Variants in GAS7 observed in about 807,000 individuals in gnomAD.
GAS7 encodes the protein growth arrest specific 7, also known as growth arrest-specific protein 7.
GAS7 carries 28 observed loss-of-function variants against 71.1 expected under a neutral mutation model. The observed-to-expected ratio is 0.39, with a 90% confidence interval of 0.29 to 0.54. The LOEUF (loss-of-function observed/expected upper bound fraction) is 0.54, where lower values mean the gene tolerates loss of function less well. GAS7 is among the 20% of genes least tolerant of loss of function. GAS7 has a pLI of 0.62. For synonymous variants in GAS7, 258 were observed against 245.8 expected, an observed-to-expected ratio of 1.05 and a Z score of -0.46; for missense variants, 436 against 627.8, an observed-to-expected ratio of 0.69 and a Z score of 3.27.
chr17:9,963,155 G>GGAAT lies in GAS7; in HGVS notation c.472-3904_472-3901dup, dbSNP rs1567828755. ...ACAGAATATTCTTCTGTCATAAAAAGGAATGGAGTGTTCATCCATGCCGCG... is the reference window on the plus strand; with the variant it reads ...ACAGAATATTCTTCTGTCATAAAAAGGAATGAATGGAGTGTTCATCCATGCCGCG... On this transcript the variant is annotated intron_variant, in intron 4 of 13. Coordinates refer to ENST00000432992, the MANE Select transcript of GAS7 (RefSeq NM_201433.2). Among the ~76,000 whole-genome samples, 3 of 152,062 alleles carry GGAAT rather than the reference G, an allele frequency of 2.0e-5. No individual in the cohort carries two copies. The South Asian group carries it at 6.2e-4, about 32-fold the overall frequency.
In GAS7 at chr17:10,034,926, C is replaced by T. The variant is rs2072710737; in HGVS notation, c.184-15029G>A. Among the ~76,000 whole-genome samples, 1 of 152,166 alleles carries T rather than the reference C, an allele frequency of 6.6e-6. No homozygotes were observed. The highest frequency in any genetic ancestry group is 1.5e-5 in the Non-Finnish European group (1 of 68,036). Reference sequence around the variant, plus strand: ...CTGCCCTGGAATCCTGGGCTTCTGTCTCTGCATCACCCTGGATGCACCAAA... The same window carrying T: ...CTGCCCTGGAATCCTGGGCTTCTGTTTCTGCATCACCCTGGATGCACCAAA... On this transcript the variant is annotated intron_variant, in intron 1 of 13. Coordinates refer to ENST00000432992, the MANE Select transcript of GAS7 (RefSeq NM_201433.2). The surrounding 1 kb of genome is among the most constrained non-coding windows in gnomAD (Gnocchi z 4.4).
intron 5 of GAS7, among the ~76,000 whole-genome samples, chr17:9,956,605 A>G (rs950032931): frequency 2.0e-5 from 3 of 152,180 alleles, no homozygotes; most frequent in African/African-American, 7.2e-5. Context: ...GACAGCGGAA[A>G]CAAGACCCAG....
At chr17:10,178,392 G>A (rs2074388593) in intron 1 of GAS7, among the ~76,000 whole-genome samples, 1 of 151,804 alleles carries the variant, frequency 6.6e-6, no homozygotes, top group African/African-American at 2.4e-5. Flanking sequence ...TCCACATAGA[G>A]GACTCTGCAT....
rs929535954 is a variant in GAS7 at position 10,144,934 on chromosome 17, T to C, written c.183+53274A>G. Among the ~76,000 whole-genome samples, 51 of 152,232 alleles carry C rather than the reference T, an allele frequency of 3.4e-4. 1 individual carries two copies. The highest frequency in any genetic ancestry group is 1.2e-3 in the African/African-American group (50 of 41,466). ...CAGGTACAACAGGCCAGATCAATAG[T>C]TCCTGCCCGTCTCTGATTAGAACCT... On this transcript the variant is annotated intron_variant, in intron 1 of 13. Transcript: ENST00000432992.
chr17:9,914,056 T>G lies in GAS7; in HGVS notation c.*3172A>C, dbSNP rs11555789. 13 of 228,510 alleles carry G rather than the reference T, an allele frequency of 5.7e-5. No individual in the cohort carries two copies. The highest frequency in any genetic ancestry group is 9.5e-5 in the Non-Finnish European group (11 of 115,284). 14.2% of individuals were successfully genotyped at this position (228,510 alleles called of 1,614,324 possible). On this transcript the variant is annotated 3_prime_UTR_variant, in exon 14 of 14. Transcript: ENST00000432992. ...GGATAGCGTGCTTGCCTCTCCAAAG[T>G]GCAGTCTTTTATTTTCTCAGTTGCA...
Position 9,919,660 on chromosome 17 carries a change from G to A in GAS7, c.1184C>T (p.Ser395Phe), listed in dbSNP as rs1419371387. Residue 395 changes from serine (S) to phenylalanine (F), a missense_variant, in exon 12 of 14, where the codon TCC becomes TTC. Coordinates refer to ENST00000432992, the MANE Select transcript of GAS7 (RefSeq NM_201433.2). This position sits in a 1 kb window ranked among gnomAD's most constrained non-coding sequence, Gnocchi z 5.0. ...GGTCACCATCTCTTCAAACCATTTGGACTGGGCCTGGTTGTAGAGATCCAC... is the reference window on the plus strand; with the variant it reads ...GGTCACCATCTCTTCAAACCATTTGAACTGGGCCTGGTTGTAGAGATCCAC... ...RCVDLYNQAQ[S>F]KWFEEMVTTT... is the part of the protein sequence containing the mutation. 1 of 1,609,712 alleles carries A rather than the reference G, an allele frequency of 6.2e-7. No homozygotes were observed. The highest frequency in any genetic ancestry group is 8.5e-7 in the Non-Finnish European group (1 of 1,178,206).
chr17:10,098,494 C>T (rs75824349), intron 1 of GAS7, among the ~76,000 whole-genome samples: 4,717 of 152,306 alleles, frequency 0.031, 222 homozygotes, highest in African/African-American at 0.11. Context: ...AAGAAAGAAG[C>T]CTTTGTTTGC....
At chr17:10,160,252 AT>A (rs2074242106) in intron 1 of GAS7, among the ~76,000 whole-genome samples, 1 of 152,250 alleles carries the variant, frequency 6.6e-6, no homozygotes, top group Admixed American at 6.5e-5. Context: ...AACTTAAAAA[AT>A]TTACACTAAA....
At chr17:10,177,882 C>A (rs766580313) in intron 1 of GAS7, among the ~76,000 whole-genome samples, 15 of 152,260 alleles carry the variant, frequency 9.9e-5, no homozygotes, top group African/African-American at 3.6e-4. Flanking sequence ...ACCAGCCACC[C>A]AGAGTAACAA....
chr17:10,053,905 A>G (rs1373074932), intron 1 of GAS7, among the ~76,000 whole-genome samples: 1 of 152,202 alleles, frequency 6.6e-6, no homozygotes, highest in Admixed American at 6.5e-5. Flanking sequence ...AGCATGCATC[A>G]GAAGGGCTGT....
chr17:10,192,878 G>A (rs1038995784), intron 1 of GAS7, among the ~76,000 whole-genome samples: 8 of 152,088 alleles, frequency 5.3e-5, no homozygotes, highest in African/African-American at 1.9e-4. Context: ...CAGAAAGCAC[G>A]CTGGTCTTTT....
At chr17:10,180,171 T>C (rs1321084058) in intron 1 of GAS7, among the ~76,000 whole-genome samples, 1 of 151,782 alleles carries the variant, frequency 6.6e-6, no homozygotes, top group Non-Finnish European at 1.5e-5. Context: ...GGAAACCCCA[T>C]CTCTATTAAA....
intron 1 of GAS7, among the ~76,000 whole-genome samples, chr17:10,081,020 A>G (rs1401601260): frequency 6.6e-6 from 1 of 152,276 alleles, no homozygotes; most frequent in Admixed American, 6.5e-5. Context: ...CAGGCTCCTC[A>G]GAAAAAGAGT....
chr17:10,168,715 G>A lies in GAS7; in HGVS notation c.183+29493C>T, dbSNP rs573947362. On this transcript the variant is annotated intron_variant, in intron 1 of 13. Coordinates refer to ENST00000432992, the MANE Select transcript of GAS7 (RefSeq NM_201433.2). Reference sequence around the variant, plus strand: ...AGGCTGGGCACGGTGGCTCATGCCTGTAATCCCAGCACTTTGGGAGGCTGA... The same window carrying A: ...AGGCTGGGCACGGTGGCTCATGCCTATAATCCCAGCACTTTGGGAGGCTGA... 1.3e-3 allele frequency among the ~76,000 whole-genome samples: 203 copies of A among 152,342 alleles called. 1 individual carries two copies. The highest frequency in any genetic ancestry group is 4.6e-3 in the African/African-American group (191 of 41,574).
intron 5 of GAS7, among the ~76,000 whole-genome samples, chr17:9,947,892 C>T (rs2152100087): frequency 6.6e-6 from 1 of 150,582 alleles, no homozygotes; most frequent in Non-Finnish European, 1.5e-5. Flanking sequence ...GAAGACAAGA[C>T]CAGCCCCTCC....
chr17:10,080,929 T>C (rs376150237), intron 1 of GAS7, among the ~76,000 whole-genome samples: 1 of 152,160 alleles, frequency 6.6e-6, no homozygotes, highest in Non-Finnish European at 1.5e-5. Flanking sequence ...CACACATTTA[T>C]AAAAACATAC....
chr17:10,161,045 T>A (rs1198061476), intron 1 of GAS7, among the ~76,000 whole-genome samples: 1 of 151,918 alleles, frequency 6.6e-6, no homozygotes, highest in Non-Finnish European at 1.5e-5. Context: ...GGCCTTCAGT[T>A]GCAGATGGAT....
chr17:9,959,428 G>A lies in GAS7; in HGVS notation c.472-173C>T. 1.4e-6 allele frequency: 2 copies of A among 1,450,424 alleles called. No homozygotes were observed. The highest frequency in any genetic ancestry group is 2.9e-5 in the South Asian group (2 of 69,524). The allele number at this position is 1,450,424 out of a possible 1,614,324, so 89.8% of individuals were successfully genotyped here. On this transcript the variant is annotated intron_variant, in intron 4 of 13. Coordinates refer to ENST00000432992, the MANE Select transcript of GAS7 (RefSeq NM_201433.2). This position sits in a 1 kb window ranked among gnomAD's most constrained non-coding sequence, Gnocchi z 5.0. The stretch of plus-strand genomic sequence containing the variant: ...GCAGGGGTCTCCCTGACCCCACGCT[G>A]TTCCCACGCCCAGCTCTCGGGCTGA...
intron 1 of GAS7, among the ~76,000 whole-genome samples, chr17:10,141,527 C>T (rs2074081268): frequency 2.0e-5 from 3 of 152,122 alleles, no homozygotes; most frequent in Admixed American, 2.0e-4. Flanking sequence ...ATCCAAGTCC[C>T]ACTAAGACCT....
Sources: gnomAD v4.1 joint callset for allele counts (sites outside exome capture counted in the v4.1 genomes callset) on GRCh38, gnomAD v4.1.1 for gene constraint, Gnocchi (gnomAD v3.1) non-coding constraint, MANE v1.5 for transcripts, NCBI Gene and HGNC (gene_info 2026-07-23, HGNC 2026-07-21) for gene names.